The following ANTXR1 variants were observed in gnomAD, a reference collection of about 807,000 sequenced individuals.
ANTXR1 encodes anthrax toxin receptor 1.
A neutral mutation model predicts 78.1 loss-of-function variants in ANTXR1; 19 were observed. The ratio of observed to expected loss-of-function variants is 0.24; its 90% confidence interval spans 0.17 to 0.36. The LOEUF (loss-of-function observed/expected upper bound fraction) is 0.36. Ranked by LOEUF, ANTXR1 falls within the 10% of genes least tolerant of loss-of-function variation. ANTXR1 has a pLI of 1.00. For missense variants in ANTXR1, 518 were observed against 718.6 expected, an observed-to-expected ratio of 0.72 and a Z score of 3.19; for synonymous variants, 273 against 260.5, an observed-to-expected ratio of 1.05 and a Z score of -0.46.
chr2:69,054,039 A>C (rs1404423073), intron 3 of ANTXR1, among the ~76,000 whole-genome samples: 1 of 152,178 alleles, frequency 6.6e-6, no homozygotes, highest in African/African-American at 2.4e-5. Flanking sequence ...TTTATATCTA[A>C]ATATAATCTT....
At chr2:69,077,373 C>A (rs755532593) in intron 7 of ANTXR1, 35 bp from the exon 8 acceptor site, 215 of 1,612,180 alleles carry the variant, frequency 1.3e-4, no homozygotes, top group Non-Finnish European at 1.7e-4. Context: ...GCCTAACAGT[C>A]TCCCCATGTG....
rs189828557 is a variant in ANTXR1, at chr2:69,082,772, G to A, written c.642+5284G>A. On this transcript the variant is annotated intron_variant, in intron 8 of 17. Transcript: ENST00000303714. ...CCAAGGACACTGTCTGAAAAGGAGA[G>A]CCCACAGCTGCTGGCACCAAGCCAT... Among the ~76,000 whole-genome samples, 832 of 152,272 alleles carry A rather than the reference G, an allele frequency of 5.5e-3. 1 individual carries two copies. The highest frequency in any genetic ancestry group is 7.5e-3 in the Non-Finnish European group (511 of 68,014).
intron 14 of ANTXR1, chr2:69,172,320 C>A (rs752624852): frequency 2.0e-6 from 3 of 1,519,300 alleles, no homozygotes; most frequent in South Asian, 2.2e-5. Flanking sequence ...TGTGTGTTGG[C>A]CCTGTGAGTT....
rs1676022371 is a variant in ANTXR1 at position 69,246,305 on chromosome 2, A to G, written c.*820A>G. On this transcript the variant is annotated 3_prime_UTR_variant, in exon 18 of 18. Coordinates refer to ENST00000303714, the MANE Select transcript of ANTXR1 (RefSeq NM_032208.3). The stretch of plus-strand genomic sequence containing the variant: ...GGACCCTAAATCAACAGACAATGGC[A>G]TTGTCGAAGAGCAACCTGTTAATGA... 1 of 152,224 alleles carries G rather than the reference A, an allele frequency of 6.6e-6. No homozygotes were observed. 9.4% of individuals were successfully genotyped at this position (152,224 alleles called of 1,614,324 possible).
intron 12 of ANTXR1, among the ~76,000 whole-genome samples, chr2:69,127,410 G>A (rs929256281): frequency 6.6e-6 from 1 of 151,994 alleles, no homozygotes; most frequent in Non-Finnish European, 1.5e-5. Context: ...GCAGGGAGGT[G>A]CCATCCCCAG....
chr2:69,204,659 G>GTCC (rs1362281173), intron 17 of ANTXR1, among the ~76,000 whole-genome samples: 1 of 152,160 alleles, frequency 6.6e-6, no homozygotes, highest in Admixed American at 6.5e-5. Flanking sequence ...CTCTCCTTGA[G>GTCC]TCCTCACCCC....
chr2:69,186,089 T>G (rs1389458652), intron 16 of ANTXR1, among the ~76,000 whole-genome samples: 1 of 151,994 alleles, frequency 6.6e-6, no homozygotes, highest in Non-Finnish European at 1.5e-5. Context: ...TCATCCCTTA[T>G]TAAAGAGCTG....
Position 69,013,290 on chromosome 2 carries a change from T to C in ANTXR1, c.-210T>C, listed in dbSNP as rs992441720. On this transcript the variant is annotated 5_prime_UTR_variant, in exon 1 of 18. Coordinates refer to ENST00000303714, the MANE Select transcript of ANTXR1 (RefSeq NM_032208.3). This position sits in a 1 kb window ranked among gnomAD's most constrained non-coding sequence, Gnocchi z 5.0. ...AAGCGGAGGACAGGATTGGGATCCT[T>C]GAAACCCGAAACCCAGAAACAGCAT... is the stretch of plus-strand genomic sequence containing the variant. 9.9e-6 allele frequency: 7 copies of C among 705,728 alleles called. No individual in the cohort carries two copies. The Admixed American group carries it at 1.3e-4, about 13-fold the overall frequency. The allele number at this position is 705,728 out of a possible 1,614,324, so 43.7% of individuals were successfully genotyped here.
chr2:69,143,811 A>C (rs916845927), intron 12 of ANTXR1, among the ~76,000 whole-genome samples: 2 of 152,206 alleles, frequency 1.3e-5, no homozygotes, highest in African/African-American at 4.8e-5. Context: ...AGGTACAAGA[A>C]GAAGCCCATG....
At chr2:69,060,491 T>G (rs1381180535) in intron 3 of ANTXR1, among the ~76,000 whole-genome samples, 1 of 152,166 alleles carries the variant, frequency 6.6e-6, no homozygotes, top group Non-Finnish European at 1.5e-5. Context: ...GGAACTCCAA[T>G]CTTTAGAGTT....
intron 12 of ANTXR1, among the ~76,000 whole-genome samples, chr2:69,149,487 T>C (rs1025854873): frequency 6.6e-6 from 1 of 152,342 alleles, no homozygotes; most frequent in Non-Finnish European, 1.5e-5. Flanking sequence ...GCCCTTCTGC[T>C]TTAGTTCATC....
At chr2:69,042,508 T>C (rs1263385143) in intron 2 of ANTXR1, among the ~76,000 whole-genome samples, 1 of 152,208 alleles carries the variant, frequency 6.6e-6, no homozygotes, top group Non-Finnish European at 1.5e-5. Context: ...TTCTGTCTTG[T>C]ATTTTTCTCT....
intron 17 of ANTXR1, among the ~76,000 whole-genome samples, chr2:69,240,396 G>A (rs761537871): frequency 6.6e-6 from 1 of 152,230 alleles, no homozygotes; most frequent in Non-Finnish European, 1.5e-5. Flanking sequence ...TTTGTGGAGG[G>A]CATAGGGTGG....
Position 69,070,713 on chromosome 2 carries a change from T to C in ANTXR1, c.363T>C (p.His121=), listed in dbSNP as rs149118025. ...TGCCAGGAGGAGACACTTACATGCATGAAGGATTTGAAAGGGTAATTTTAA... is the reference window on the plus strand; with the variant it reads ...TGCCAGGAGGAGACACTTACATGCACGAAGGATTTGAAAGGGTAATTTTAA... ...KVLPGGDTYM[H]EGFERASEQI... is the part of the protein sequence containing the mutation. The change falls in exon 4 of 18, where the codon CAT becomes CAC. Residue 121 remains histidine, a synonymous_variant. Coordinates refer to ENST00000303714, the MANE Select transcript of ANTXR1 (RefSeq NM_032208.3). The C allele has an allele frequency of 5.8e-5, 94 of 1,614,032 alleles. No individual in the cohort carries two copies. The African/African-American group carries it at 1.2e-3, about 21-fold the overall frequency.
At chr2:69,161,796 T>A (rs1429420648) in intron 13 of ANTXR1, among the ~76,000 whole-genome samples, 2 of 152,168 alleles carry the variant, frequency 1.3e-5, no homozygotes. Context: ...GCTTTTCAGA[T>A]CTGGATTGGC....
chr2:69,192,672 G>A (rs1674568965), intron 16 of ANTXR1, among the ~76,000 whole-genome samples: 1 of 152,206 alleles, frequency 6.6e-6, no homozygotes, highest in Admixed American at 6.5e-5. Flanking sequence ...CACCTGTAGG[G>A]GCGTTCTTGG....
rs765830683 is a variant in ANTXR1 at position 69,124,592 on chromosome 2, C to T, written c.900C>T (p.Asn300=). ...AAGCTGCACTCCAGGTCAGCATGAACGATGGCCTCTCTTTTATCTCCAGTT... is the reference window on the plus strand; with the variant it reads ...AAGCTGCACTCCAGGTCAGCATGAATGATGGCCTCTCTTTTATCTCCAGTT... ...GMKAALQVSM[N]DGLSFISSSV... is the part of the protein sequence containing the mutation. Residue 300 remains asparagine (N), a synonymous_variant, in exon 12 of 18, where the codon AAC becomes AAT. Coordinates refer to ENST00000303714, the MANE Select transcript of ANTXR1 (RefSeq NM_032208.3). 30 of 1,614,106 alleles carry T rather than the reference C, an allele frequency of 1.9e-5. No homozygotes were observed. The East Asian group carries it at 2.7e-4, about 14-fold the overall frequency.
At position 69,073,059 on chromosome 2, in the gene ANTXR1, T is replaced by C. The variant is rs77687153; in HGVS notation, c.450T>C (p.Asp150=). 0.015 allele frequency: 23,734 copies of C among 1,614,054 alleles called. 233 individuals carry two copies. Among genetic ancestry groups the C allele is most frequent in the Non-Finnish European group, 0.018 (20,814 of 1,179,896 alleles). ...RTASVIIALT[D]GELHEDLFFY... is the part of the protein sequence containing the mutation. Reference sequence around the variant, plus strand: ...CCAGCGTCATCATTGCTTTGACTGATGGAGAACTCCATGAAGATCTCTTTT... The same window carrying C: ...CCAGCGTCATCATTGCTTTGACTGACGGAGAACTCCATGAAGATCTCTTTT... Residue 150 remains aspartate, a synonymous_variant, in exon 6 of 18, where the codon GAT becomes GAC. Coordinates refer to ENST00000303714, the MANE Select transcript of ANTXR1 (RefSeq NM_032208.3).
rs1229945471 is a variant in ANTXR1 at position 69,245,413 on chromosome 2, C to T, written c.1623C>T (p.Pro541=). 3.1e-6 allele frequency: 5 copies of T among 1,588,230 alleles called. No homozygotes were observed. The highest frequency in any genetic ancestry group is 2.3e-5 in the South Asian group (2 of 88,190). ...PPIPSPPSTL[P]PPPQAPPPNR... Reference sequence around the variant, plus strand: ...TCCCGTCCCCACCTTCCACCCTTCCCCCTCCTCCCCAGGCTCCACCTCCCA... The same window carrying T: ...TCCCGTCCCCACCTTCCACCCTTCCTCCTCCTCCCCAGGCTCCACCTCCCA... Residue 541 remains proline (P), a synonymous_variant, in exon 18 of 18, where the codon CCC becomes CCT. Transcript: ENST00000303714.
Sources: allele counts gnomAD v4.1 joint callset (sites outside exome capture counted in the v4.1 genomes callset), GRCh38; gene constraint gnomAD v4.1.1; non-coding constraint Gnocchi (gnomAD v3.1); transcripts MANE v1.5; gene names NCBI Gene and HGNC (gene_info 2026-07-23, HGNC 2026-07-21).